CCDC144A: variants seen among roughly 807,000 people sequenced by gnomAD.
CCDC144A encodes the protein coiled-coil domain-containing protein 144A.
CCDC144A carries 41 observed loss-of-function variants against 143.8 expected under a neutral mutation model. The ratio of observed to expected loss-of-function variants is 0.29; its 90% CI spans 0.22 to 0.37. The LOEUF is 0.37. Among genes scored for constraint, CCDC144A ranks in the 10% least tolerant of loss-of-function variants. CCDC144A has a pLI of 1.00. For missense variants in CCDC144A, 637 were observed against 1,488.8 expected (o/e 0.43, Z 9.41); for synonymous variants, 242 against 517.9 (o/e 0.47, Z 7.23).
chr17:16,671,613 A>G, the CCDC144A span, among the ~76,000 whole-genome samples: 1 of 152,110 alleles, frequency 6.6e-6, no homozygotes, highest in Non-Finnish European at 1.5e-5. Context: ...TCAGTCTGGC[A>G]AAACACCTAT....
At chr17:16,720,892 C>T (rs1913055428) in intron 8 of CCDC144A, among the ~76,000 whole-genome samples, 1 of 152,052 alleles carries the variant, frequency 6.6e-6, no homozygotes, top group Admixed American at 6.6e-5. Context: ...ATTCCTTCCC[C>T]CAATGTCAGG....
Position 16,707,510 on chromosome 17 carries a change from A to G in CCDC144A, c.706A>G (p.Arg236Gly). The G allele has an allele frequency of 1.2e-6, 2 of 1,606,244 alleles. No individual in the cohort carries two copies. Among genetic ancestry groups the G allele is most frequent in the Non-Finnish European group, 8.5e-7 (1 of 1,177,680 alleles). Residue 236 changes from arginine (R) to glycine (G), a missense_variant, in exon 4 of 17, where the codon AGA becomes GGA. Arg to Gly is a moderately radical substitution (Grantham distance 125). Coordinates refer to ENST00000399273, the MANE Select transcript of CCDC144A (RefSeq NM_001382000.1). ...SELTSEEEQE[R>G]LKGCENKQPQ... is the part of the protein sequence containing the mutation. Reference sequence around the variant, plus strand: ...GCTGACATCAGAGGAAGAGCAAGAAAGACTTAAAGGATGCGAAAATAAGCA... The same window carrying G: ...GCTGACATCAGAGGAAGAGCAAGAAGGACTTAAAGGATGCGAAAATAAGCA...
chr17:16,732,527 G>A lies in CCDC144A; in HGVS notation c.2290-11G>A, dbSNP rs1408477770. On this transcript the variant is annotated splice_polypyrimidine_tract_variant and intron_variant, in intron 10 of 16. Coordinates refer to ENST00000399273, the MANE Select transcript of CCDC144A (RefSeq NM_001382000.1). ...AGTGCTATTAGACCAAAACCTCCAT[G>A]TTATCTCTAGGTTGTGCAGGAGAGA... 1.9e-6 allele frequency: 3 copies of A among 1,604,098 alleles called. No homozygotes were observed. Among genetic ancestry groups the A allele is most frequent in the Admixed American group, 3.4e-5 (2 of 58,204 alleles).
chr17:16,753,752 T>C (rs1426264066), intron 12 of CCDC144A, among the ~76,000 whole-genome samples: 2 of 152,182 alleles, frequency 1.3e-5, no homozygotes, highest in Non-Finnish European at 2.9e-5. Context: ...CCAATCTGGA[T>C]CCCCTTTATT....
chr17:16,683,958 A>G, the CCDC144A span: 2 of 1,175,426 alleles, frequency 1.7e-6, no homozygotes, highest in Non-Finnish European at 2.6e-6. Flanking sequence ...GGGCCGGGCT[A>G]TCCTTTAACT....
intron 4 of CCDC144A, 38 bp from the exon 5 acceptor site, chr17:16,708,758 A>T (rs1912197967): frequency 6.2e-7 from 1 of 1,611,124 alleles, no homozygotes; most frequent in Non-Finnish European, 8.5e-7. Flanking sequence ...CCCAAGAAAT[A>T]AAACAAGCAA....
chr17:16,681,751 C>T, the CCDC144A span, among the ~76,000 whole-genome samples: 5 of 151,458 alleles, frequency 3.3e-5, no homozygotes, highest in Admixed American at 6.6e-5. Flanking sequence ...TCCAGCCACT[C>T]GGGAGGCTGA....
intron 2 of CCDC144A, among the ~76,000 whole-genome samples, chr17:16,694,623 G>A (rs1911292343): frequency 6.6e-6 from 1 of 151,996 alleles, no homozygotes; most frequent in South Asian, 2.1e-4. Context: ...TACCCAATGT[G>A]CACTAATACT....
chr17:16,666,934 G>A, the CCDC144A span: 2 of 152,518 alleles, frequency 1.3e-5, no homozygotes, highest in Non-Finnish European at 2.9e-5. Context: ...CTCCTGGTGG[G>A]TGATGGCGCC....
intron 6 of CCDC144A, among the ~76,000 whole-genome samples, chr17:16,714,578 A>C (rs961057286): frequency 1.3e-5 from 2 of 151,994 alleles, no homozygotes; most frequent in Middle Eastern, 3.2e-3. Context: ...AGCCAGTCAT[A>C]TCTTCCATTT....
chr17:16,688,589 A>G (rs1295406445), upstream of CCDC144A, among the ~76,000 whole-genome samples: 1 of 144,876 alleles, frequency 6.9e-6, no homozygotes, highest in Non-Finnish European at 1.5e-5. Flanking sequence ...CCTGGGTTCA[A>G]GCGATTCTTT....
Position 16,709,786 on chromosome 17 carries a change from G to T in CCDC144A, c.1578+151G>T, listed in dbSNP as rs527732682. Among the ~76,000 whole-genome samples the T allele has an allele frequency of 3.9e-5, 6 of 152,328 alleles. 1 individual carries two copies. The East Asian group carries it at 9.6e-4, about 24-fold the overall frequency. ...GAAACAGATGATTTCTAAGTAATAGGAGTTTAGGAAAACTTTCTCATAATC... is the reference window on the plus strand; with the variant it reads ...GAAACAGATGATTTCTAAGTAATAGTAGTTTAGGAAAACTTTCTCATAATC... On this transcript the variant is annotated intron_variant, in intron 5 of 16. Coordinates refer to ENST00000399273, the MANE Select transcript of CCDC144A (RefSeq NM_001382000.1).
At chr17:16,691,475 G>A (rs1911066425) in intron 1 of CCDC144A, among the ~76,000 whole-genome samples, 1 of 151,300 alleles carries the variant, frequency 6.6e-6, no homozygotes, top group African/African-American at 2.4e-5. Flanking sequence ...TAAAATGAGA[G>A]CTTTGGCAGG....
intron 12 of CCDC144A, 121 bp from the exon 13 acceptor site, chr17:16,761,304 G>A (rs3104602): frequency 8.4e-6 from 12 of 1,431,904 alleles, no homozygotes; most frequent in South Asian, 2.9e-5. Flanking sequence ...ACTGTACTCC[G>A]GCCTGGGCGA....
chr17:16,754,379 G>T (rs1340136377), intron 12 of CCDC144A, among the ~76,000 whole-genome samples: 1 of 152,012 alleles, frequency 6.6e-6, no homozygotes, highest in African/African-American at 2.4e-5. Flanking sequence ...CTCTTTTTTG[G>T]ATGTAGCTGT....
At chr17:16,687,937 G>C (rs1198628930), upstream of CCDC144A, among the ~76,000 whole-genome samples, 3 of 151,010 alleles carry the variant, frequency 2.0e-5, no homozygotes, top group Non-Finnish European at 1.5e-5. Flanking sequence ...GTTGAGTGTA[G>C]TTGATACATC....
chr17:16,684,206 A>C, the CCDC144A span: 1 of 948,094 alleles, frequency 1.1e-6, no homozygotes, highest in Non-Finnish European at 1.7e-6. Flanking sequence ...GGAGAGGCTG[A>C]CCCAGGGGAT....
At chr17:16,757,124 G>C (rs1030768088) in intron 12 of CCDC144A, among the ~76,000 whole-genome samples, 4 of 152,392 alleles carry the variant, frequency 2.6e-5, no homozygotes, top group Non-Finnish European at 5.9e-5. Flanking sequence ...GTGTGTGCTG[G>C]GATCAGAGGT....
At chr17:16,691,526 C>T (rs934065569) in intron 1 of CCDC144A, among the ~76,000 whole-genome samples, 1 of 151,770 alleles carries the variant, frequency 6.6e-6, no homozygotes, top group African/African-American at 2.4e-5. Flanking sequence ...ATTTGGGAGG[C>T]TAAGGTGGGC....
Sources: gnomAD v4.1 joint callset for allele counts (sites outside exome capture counted in the v4.1 genomes callset) on GRCh38, gnomAD v4.1.1 for gene constraint, MANE v1.5 for transcripts, NCBI Gene and HGNC (gene_info 2026-07-23, HGNC 2026-07-21) for gene names.